The following WWC2 variants were observed in gnomAD, a reference collection of about 807,000 sequenced individuals.
WWC2 encodes protein WWC2.
A neutral mutation model predicts 138.5 loss-of-function variants in WWC2; 101 were observed. That is an observed-to-expected ratio of 0.73 (90% confidence interval 0.62 to 0.86). The LOEUF is 0.86. WWC2 is among the 40% of genes least tolerant of loss of function. The pLI, the probability that WWC2 is intolerant of heterozygous loss-of-function variation, is 0.00. For synonymous variants in WWC2, 558 were observed against 538.4 expected (o/e 1.04, Z -0.50); for missense variants, 1,420 against 1,419.4 (o/e 1.00, Z -0.01).
intron 5 of WWC2, among the ~76,000 whole-genome samples, chr4:183,244,894 A>C (rs1361187718): frequency 6.6e-6 from 1 of 152,086 alleles, no homozygotes; most frequent in African/African-American, 2.4e-5. Flanking sequence ...GAAGGCAAAA[A>C]GACATGCGTT....
chr4:183,175,956 C>A (rs1002015184), intron 1 of WWC2, among the ~76,000 whole-genome samples: 3 of 152,256 alleles, frequency 2.0e-5, no homozygotes, highest in African/African-American at 7.2e-5. Context: ...CACCTCACTT[C>A]ACCTTGCATA....
chr4:183,109,531 A>T (rs993124823), intron 1 of WWC2, among the ~76,000 whole-genome samples: 1 of 152,138 alleles, frequency 6.6e-6, no homozygotes, highest in African/African-American at 2.4e-5. Context: ...ATCATCAGGG[A>T]TTAGTTAGAT....
chr4:183,163,009 G>A (rs1009920687), intron 1 of WWC2, among the ~76,000 whole-genome samples: 2 of 152,112 alleles, frequency 1.3e-5, no homozygotes, highest in Non-Finnish European at 2.9e-5. Context: ...TTTTACATGA[G>A]TGCCTAGCAG....
intron 9 of WWC2, among the ~76,000 whole-genome samples, chr4:183,255,312 C>CA (rs1304099468): frequency 1.3e-5 from 2 of 152,134 alleles, no homozygotes; most frequent in African/African-American, 4.8e-5. Flanking sequence ...CCCCATCTGA[C>CA]AAAGACCAAA....
chr4:183,156,421 TC>T (rs573794460), intron 1 of WWC2, among the ~76,000 whole-genome samples: 58 of 150,744 alleles, frequency 3.8e-4, no homozygotes, highest in Admixed American at 3.5e-3. Context: ...AGCCTCCACT[TC>T]CTGGGTTCAA....
At chr4:183,306,134 T>G (rs970093163) in intron 21 of WWC2, among the ~76,000 whole-genome samples, 2 of 151,980 alleles carry the variant, frequency 1.3e-5, no homozygotes, top group Non-Finnish European at 2.9e-5. Flanking sequence ...ATAAATGACA[T>G]GCTAAGAAAG....
intron 14 of WWC2, 102 bp from the exon 15 acceptor site, chr4:183,268,869 C>CGTGG: frequency 8.1e-7 from 1 of 1,228,026 alleles, no homozygotes; most frequent in South Asian, 1.4e-5. Context: ...TTGAACTCCA[C>CGTGG]GATCCCTCAT....
intron 1 of WWC2, among the ~76,000 whole-genome samples, chr4:183,164,310 AT>A (rs1205790086): frequency 0.018 from 6 of 340 alleles, no homozygotes; most frequent in African/African-American, 0.027. Flanking sequence ...ACATATATAT[AT>A]TATATATACA....
intron 19 of WWC2, among the ~76,000 whole-genome samples, chr4:183,284,621 A>C (rs539827769): frequency 7.9e-5 from 12 of 152,328 alleles, no homozygotes; most frequent in African/African-American, 2.9e-4. Context: ...TTTATTTGGC[A>C]AGTAAGCGAA....
intron 1 of WWC2, among the ~76,000 whole-genome samples, chr4:183,105,744 G>T (rs1014224689): frequency 1.3e-5 from 2 of 152,026 alleles, no homozygotes; most frequent in African/African-American, 4.8e-5. Flanking sequence ...CAAAAAATTT[G>T]CCAGGCGTGG....
In WWC2 at chr4:183,099,591, A is replaced by G. The variant is rs1561413083; in HGVS notation, c.100A>G (p.Arg34Gly). Residue 34 changes from arginine to glycine, a missense_variant, in exon 1 of 23, where the codon AGG (arginine) becomes GGG (glycine). Arg to Gly is a moderately radical substitution (Grantham distance 125). Transcript: ENST00000403733. ...GKVFYIDHNTRRTSWIDPRDR... is the reference protein window; with the variant it reads ...GKVFYIDHNTGRTSWIDPRDR... ...GGTCTTCTACATTGACCACAACACC[A>G]GGAGGACCAGCTGGATCGACCCCCG... The G allele has an allele frequency of 3.6e-6, 5 of 1,392,342 alleles. No homozygotes were observed. Among genetic ancestry groups the G allele is most frequent in the Non-Finnish European group, 4.7e-6 (5 of 1,055,216 alleles). 86.2% of individuals were successfully genotyped at this position (1,392,342 alleles called of 1,614,324 possible).
chr4:183,301,823 G>C (rs773443304), intron 21 of WWC2, among the ~76,000 whole-genome samples: 6 of 152,164 alleles, frequency 3.9e-5, no homozygotes, highest in Non-Finnish European at 8.8e-5. Context: ...GTACTTCCCA[G>C]AGGTTACCAC....
intron 1 of WWC2, among the ~76,000 whole-genome samples, chr4:183,155,767 G>A (rs1410163938): frequency 5.3e-5 from 8 of 152,126 alleles, no homozygotes; most frequent in Admixed American, 3.3e-4. Flanking sequence ...TTTTCTGTAC[G>A]TGAGTGCCTT....
At chr4:183,262,791 C>CGT (rs775112873) in intron 11 of WWC2, among the ~76,000 whole-genome samples, 1,720 of 149,920 alleles carry the variant, frequency 0.011, 42 homozygotes, top group African/African-American at 0.04. Flanking sequence ...TGCGTGCGTG[C>CGT]GTGTGTGTGT....
intron 1 of WWC2, among the ~76,000 whole-genome samples, chr4:183,189,394 G>A (rs1212747424): frequency 1.3e-5 from 2 of 150,710 alleles, no homozygotes; most frequent in Admixed American, 6.6e-5. Flanking sequence ...CCGAGATCGC[G>A]CCACTGCACT....
In WWC2 at chr4:183,316,761, G is replaced by T. The variant is rs184456442; in HGVS notation, c.*1032G>T. On this transcript the variant is annotated 3_prime_UTR_variant, in exon 23 of 23. Coordinates refer to ENST00000403733, the MANE Select transcript of WWC2 (RefSeq NM_024949.6). ...TCAAGCAGATTTCTAACATTTAGTA[G>T]AAACTACTTCATAGCTCTCATTTTT... The T allele has an allele frequency of 3.4e-4, 52 of 152,306 alleles. No individual in the cohort carries two copies. The highest frequency in any genetic ancestry group is 1.2e-3 in the African/African-American group (48 of 41,566). The allele number at this position is 152,306 out of a possible 1,614,324, so 9.4% of individuals were successfully genotyped here. A position where few individuals can be genotyped will look rare whatever the true frequency, so the allele number is the denominator to read the frequency against.
In WWC2 at chr4:183,285,964, C is replaced by T; in HGVS notation, c.3049-3C>T. On this transcript the variant is annotated splice_polypyrimidine_tract_variant and splice_region_variant and intron_variant, in intron 19 of 22. Coordinates refer to ENST00000403733, the MANE Select transcript of WWC2 (RefSeq NM_024949.6). Reference sequence around the variant, plus strand: ...ATTTTTTTTTTAAATCTTTTGTTGCCAGTTAAATCGGAGTGACAGTGACAG... The same window carrying T: ...ATTTTTTTTTTAAATCTTTTGTTGCTAGTTAAATCGGAGTGACAGTGACAG... 6.3e-7 allele frequency: 1 copy of T among 1,581,688 alleles called. No individual in the cohort carries two copies. The highest frequency in any genetic ancestry group is 8.6e-7 in the Non-Finnish European group (1 of 1,162,112).
chr4:183,232,476 T>C (rs1311899556), intron 4 of WWC2, among the ~76,000 whole-genome samples: 1 of 152,142 alleles, frequency 6.6e-6, no homozygotes, highest in Non-Finnish European at 1.5e-5. Context: ...GTTTCCTGTC[T>C]TTCCCGATGT....
chr4:183,156,521 G>A (rs577134648), intron 1 of WWC2, among the ~76,000 whole-genome samples: 11 of 152,014 alleles, frequency 7.2e-5, no homozygotes, highest in Admixed American at 2.0e-4. Context: ...TAGTAGAAAC[G>A]GGGTTTCACC....
Sources: allele counts gnomAD v4.1 joint callset (sites outside exome capture counted in the v4.1 genomes callset), GRCh38; gene constraint gnomAD v4.1.1; transcripts MANE v1.5; gene names NCBI Gene and HGNC (gene_info 2026-07-23, HGNC 2026-07-21).